The following NELL2 variants were observed in gnomAD, a reference collection of about 807,000 sequenced individuals.
The protein encoded by NELL2 is protein kinase C-binding protein NELL2.
A neutral mutation model predicts 109.6 loss-of-function variants in NELL2; 41 were observed. The ratio of observed to expected loss-of-function variants is 0.37; its 90% CI spans 0.29 to 0.49. NELL2 has a LOEUF of 0.49. Ranked by LOEUF, NELL2 falls within the 20% of genes least tolerant of loss-of-function variation. NELL2 has a pLI of 0.98. For missense variants in NELL2, 900 were observed against 1,008.3 expected, an observed-to-expected ratio of 0.89 and a Z score of 1.45; for synonymous variants, 355 against 344.7, an observed-to-expected ratio of 1.03 and a Z score of -0.33.
At chr12:44,623,574 ATTC>A (rs150446209) in intron 13 of NELL2, among the ~76,000 whole-genome samples, 5,676 of 152,138 alleles carry the variant, frequency 0.037, 350 homozygotes, top group African/African-American at 0.13. Flanking sequence ...AACTTCAGTA[ATTC>A]TTCTCTCACT....
chr12:44,619,656 G>C (rs1053625413), intron 13 of NELL2, among the ~76,000 whole-genome samples: 1 of 152,082 alleles, frequency 6.6e-6, no homozygotes, highest in Non-Finnish European at 1.5e-5. Context: ...GAAGGAGGAG[G>C]AGGAGGAGGA....
intron 1 of NELL2, among the ~76,000 whole-genome samples, chr12:44,886,117 AAG>A (rs1945469686): frequency 6.8e-6 from 1 of 147,256 alleles, no homozygotes; most frequent in African/African-American, 2.5e-5. Flanking sequence ...GGAAGGAAGG[AAG>A]GAAGGAAGGA....
At chr12:44,641,240 C>A (rs1015742384) in intron 13 of NELL2, among the ~76,000 whole-genome samples, 1 of 152,160 alleles carries the variant, frequency 6.6e-6, no homozygotes, top group African/African-American at 2.4e-5. Context: ...AGGAACAATG[C>A]AAAGGGGATC....
At chr12:44,548,911 C>CT (rs1195099991) in intron 15 of NELL2, among the ~76,000 whole-genome samples, 25 of 152,174 alleles carry the variant, frequency 1.6e-4, no homozygotes, top group Admixed American at 1.1e-3. Context: ...GTTAAATTGC[C>CT]TTTATTTATT....
chr12:44,774,003 A>G (rs1941653074), intron 9 of NELL2, among the ~76,000 whole-genome samples: 1 of 152,188 alleles, frequency 6.6e-6, no homozygotes, highest in Non-Finnish European at 1.5e-5. Context: ...ACAAACTTTA[A>G]AACAACTCAG....
intron 12 of NELL2, among the ~76,000 whole-genome samples, chr12:44,686,266 C>G (rs1233299484): frequency 6.6e-6 from 1 of 152,206 alleles, no homozygotes; most frequent in Admixed American, 6.5e-5. Context: ...TCAGCTCCAT[C>G]AGCTCCTCTA....
At chr12:44,766,147 T>C (rs2408050) in intron 9 of NELL2, among the ~76,000 whole-genome samples, 55,300 of 151,988 alleles carry the variant, frequency 0.36, 10,669 homozygotes, top group Non-Finnish European at 0.43. Context: ...CATCTCTAAA[T>C]TGAAAAAGTG....
chr12:44,876,533 C>A (rs1056043316), upstream of NELL2: 82 of 1,431,764 alleles, frequency 5.7e-5, no homozygotes, highest in Non-Finnish European at 7.0e-5. Flanking sequence ...ATGACCCGGG[C>A]AATGCCAACC....
rs536983334 is a variant in NELL2 at position 44,823,106 on chromosome 12, C to A, written c.185-6970G>T. On this transcript the variant is annotated intron_variant, in intron 2 of 19. Transcript: ENST00000429094. Reference sequence around the variant, plus strand: ...TCTTCTTTTTTTGGTGGCCAAATTTCTCTTCTTAATGGGATATAATTGACA... The same window carrying A: ...TCTTCTTTTTTTGGTGGCCAAATTTATCTTCTTAATGGGATATAATTGACA... Among the ~76,000 whole-genome samples the A allele has an allele frequency of 7.9e-5, 12 of 152,082 alleles. No homozygotes were observed. In the East Asian group the frequency reaches 2.3e-3, roughly 29 times the overall value.
chr12:44,592,153 G>A (rs1944776617), intron 15 of NELL2, among the ~76,000 whole-genome samples: 1 of 152,112 alleles, frequency 6.6e-6, no homozygotes, highest in Non-Finnish European at 1.5e-5. Context: ...TTGGATACAT[G>A]ATTTAACCTC....
At chr12:44,869,234 A>C (rs1442024138) in intron 2 of NELL2, among the ~76,000 whole-genome samples, 6 of 152,116 alleles carry the variant, frequency 3.9e-5, no homozygotes, top group Non-Finnish European at 7.3e-5. Flanking sequence ...AGAAAGAAAA[A>C]AAAACAATTG....
intron 13 of NELL2, among the ~76,000 whole-genome samples, chr12:44,636,410 G>A (rs1025256072): frequency 1.3e-5 from 2 of 152,090 alleles, no homozygotes; most frequent in African/African-American, 4.8e-5. Flanking sequence ...TATGATATTG[G>A]CTATGAGTCT....
chr12:44,685,462 A>G (rs1948682008), intron 12 of NELL2, among the ~76,000 whole-genome samples: 2 of 151,228 alleles, frequency 1.3e-5, no homozygotes, highest in Admixed American at 1.3e-4. Flanking sequence ...TCATTATGAT[A>G]TTAGCTGGTT....
intron 15 of NELL2, among the ~76,000 whole-genome samples, chr12:44,555,709 C>G (rs1943226603): frequency 6.6e-6 from 1 of 152,196 alleles, no homozygotes; most frequent in Admixed American, 6.5e-5. Flanking sequence ...TACCCCAATT[C>G]AGAAAGCTCC....
At position 44,737,057 on chromosome 12, in the gene NELL2, T is replaced by G. The variant is rs533683898; in HGVS notation, c.995-22316A>C. On this transcript the variant is annotated intron_variant, in intron 9 of 19. Transcript: ENST00000429094. ...AAATATTATTTTTAGATATTGAAAT[T>G]TTATCAAAATATTGATAGGTAATAT... is the stretch of plus-strand genomic sequence containing the variant. Among the ~76,000 whole-genome samples the G allele has an allele frequency of 1.7e-3, 266 of 152,206 alleles. 1 individual carries two copies. Among genetic ancestry groups the G allele is most frequent in the African/African-American group, 5.8e-3 (242 of 41,538 alleles).
chr12:44,711,256 C>A, intron 11 of NELL2, 36 bp downstream of exon 11: 1 of 1,463,198 alleles, frequency 6.8e-7, no homozygotes, highest in South Asian at 1.1e-5. Context: ...TATAATAACT[C>A]TTGCACGTAA....
intron 1 of NELL2, among the ~76,000 whole-genome samples, chr12:44,893,278 A>G (rs1397402472): frequency 1.3e-5 from 2 of 152,184 alleles, no homozygotes; most frequent in Non-Finnish European, 2.9e-5. Flanking sequence ...TTCTTTCTAT[A>G]GAACCCTTTG....
intron 13 of NELL2, among the ~76,000 whole-genome samples, chr12:44,644,631 C>CATATATATATATATATAT (rs144306927): frequency 9.9e-6 from 1 of 100,948 alleles, no homozygotes; most frequent in Non-Finnish European, 2.0e-5. Flanking sequence ...TATATACATA[C>CATATATATATATATATAT]ATATATATAT....
In NELL2 at chr12:44,628,225, A is replaced by G. The variant is rs11182584; in HGVS notation, c.1445-17255T>C. Among the ~76,000 whole-genome samples, 183 of 152,368 alleles carry G rather than the reference A, an allele frequency of 1.2e-3. 3 individuals carry two copies. In the East Asian group the frequency reaches 0.026, roughly 22 times the overall value. ...TAAAATATAACAACATGCAATGTTA[A>G]TGAATAATACAATGGGTTTTGTAGT... On this transcript the variant is annotated intron_variant, in intron 13 of 19. Coordinates refer to ENST00000429094, the MANE Select transcript of NELL2 (RefSeq NM_001145108.2).
Sources: gnomAD v4.1 joint callset for allele counts (sites outside exome capture counted in the v4.1 genomes callset) on GRCh38, gnomAD v4.1.1 for gene constraint, MANE v1.5 for transcripts, NCBI Gene and HGNC (gene_info 2026-07-23, HGNC 2026-07-21) for gene names.